Variants in OGG1 observed in about 807,000 individuals in gnomAD.
OGG1 encodes the protein N-glycosylase/DNA lyase.
OGG1 carries 35 observed loss-of-function variants against 42.3 expected under a neutral mutation model. The ratio of observed to expected loss-of-function variants is 0.83; its 90% confidence interval spans 0.63 to 1.10. OGG1 has a LOEUF of 1.10. Among genes scored for constraint, OGG1 ranks in the 50% least tolerant of loss-of-function variants. The probability of loss-of-function intolerance (pLI) is 0.00; values close to 1 mark genes in which losing one functional copy is unlikely to be tolerated. For synonymous variants in OGG1, 189 were observed against 179.0 expected (o/e 1.06, Z -0.44); for missense variants, 484 against 446.7 (o/e 1.08, Z -0.75).
rs2077224698 is a variant in OGG1 at position 9,750,115 on chromosome 3, G to A, written c.-172G>A. 2 of 848,788 alleles carry A rather than the reference G, an allele frequency of 2.4e-6. No homozygotes were observed. The highest frequency in any genetic ancestry group is 2.8e-5 in the Admixed American group (1 of 35,704). 52.6% of individuals were successfully genotyped at this position (848,788 alleles called of 1,614,324 possible). A position where few individuals can be genotyped will look rare whatever the true frequency, so the allele number is the denominator to read the frequency against. The stretch of plus-strand genomic sequence containing the variant: ...AGCGGGGCTTTGATGACCCGCAAAG[G>A]GCGAGGCATGCAGGAGGTGGAGGAA... On this transcript the variant is annotated 5_prime_UTR_variant, in exon 1 of 7. Coordinates refer to ENST00000344629, the MANE Select transcript of OGG1 (RefSeq NM_002542.6).
chr3:9,754,711 G>A lies in OGG1; in HGVS notation c.573G>A (p.Glu191=), dbSNP rs1246379633. The A allele has an allele frequency of 6.2e-7, 1 of 1,614,146 alleles. No individual in the cohort carries two copies. The highest frequency in any genetic ancestry group is 1.1e-5 in the South Asian group (1 of 91,046). Residue 191 remains glutamate, a synonymous_variant, in exon 4 of 7, where the codon GAG becomes GAA. Coordinates refer to ENST00000344629, the MANE Select transcript of OGG1 (RefSeq NM_002542.6). The stretch of plus-strand genomic sequence containing the variant: ...CCTCCTCACTCCCCGCAGGGCCAGA[G>A]GTGGAGGCTCATCTCAGGAAGCTGG... ...FPSLQALAGP[E]VEAHLRKLGL...
rs2077620622 is a variant in OGG1 at position 9,757,264 on chromosome 3, C to G, written c.*114C>G. Reference sequence around the variant, plus strand: ...GGGAGGGGCCTCCCTGTGACTACCTCAAAGGCCAGGCACCCCCAAATCAAG... The same window carrying G: ...GGGAGGGGCCTCCCTGTGACTACCTGAAAGGCCAGGCACCCCCAAATCAAG... On this transcript the variant is annotated 3_prime_UTR_variant, in exon 7 of 7. Transcript: ENST00000344629. This position sits in a 1 kb window ranked among gnomAD's most constrained non-coding sequence, Gnocchi z 4.5. 1 of 1,614,148 alleles carries G rather than the reference C, an allele frequency of 6.2e-7. No homozygotes were observed. The highest frequency in any genetic ancestry group is 8.5e-7 in the Non-Finnish European group (1 of 1,180,004).
chr3:9,779,638 T>A (rs1186357737), intron 2 of OGG1, among the ~76,000 whole-genome samples: 1 of 151,948 alleles, frequency 6.6e-6, no homozygotes, highest in Non-Finnish European at 1.5e-5. Flanking sequence ...ACATGTACCC[T>A]AGAACTTAAA....
chr3:9,764,058 C>T (rs937418989), intron 7 of OGG1, among the ~76,000 whole-genome samples: 10 of 152,186 alleles, frequency 6.6e-5, no homozygotes, highest in East Asian at 1.9e-4. Flanking sequence ...ATAAGCTCCC[C>T]GAATCCAGAG....
downstream of OGG1, chr3:9,760,571 G>A (rs972980547): frequency 2.2e-6 from 3 of 1,376,548 alleles, no homozygotes; most frequent in Non-Finnish European, 1.0e-6. Context: ...CCGACAGAAG[G>A]AAGGCAGGAG....
At chr3:9,760,979 T>A, downstream of OGG1, 1 of 630,670 alleles carries the variant, frequency 1.6e-6, no homozygotes, top group Non-Finnish European at 2.6e-6. Flanking sequence ...TCAGGGCCTT[T>A]GCACTTGCCA....
In OGG1 at chr3:9,755,218, G is replaced by A. The variant is rs1304205378; in HGVS notation, c.747+333G>A. Among the ~76,000 whole-genome samples the A allele has an allele frequency of 5.9e-5, 9 of 151,824 alleles. No individual in the cohort carries two copies. The South Asian group carries it at 1.9e-3, about 32-fold the overall frequency. ...AAATGGGAAGATATTTCTTCTTTTC[G>A]GTTTTTTGTTTGTTTGTTTGTTTTG... On this transcript the variant is annotated intron_variant, in intron 4 of 6. Coordinates refer to ENST00000344629, the MANE Select transcript of OGG1 (RefSeq NM_002542.6).
chr3:9,784,052 C>T (rs1406277079), intron 3 of OGG1: 9 of 1,613,968 alleles, frequency 5.6e-6, no homozygotes, highest in East Asian at 2.2e-5. Context: ...CTTCTTGGTG[C>T]GGTTGTGGGC....
At chr3:9,762,899 C>T in intron 7 of OGG1, 3 of 1,613,662 alleles carry the variant, frequency 1.9e-6, no homozygotes, top group Non-Finnish European at 1.7e-6. Context: ...CTCACCACAC[C>T]CCCTTGAGCC....
intron 3 of OGG1, chr3:9,787,573 A>AT: frequency 3.0e-6 from 3 of 1,016,350 alleles, no homozygotes; most frequent in Non-Finnish European, 4.2e-6. Flanking sequence ...ATCTGAAATA[A>AT]TTCCCAAGAT....
chr3:9,760,721 A>G (rs768657576), downstream of OGG1: 7 of 1,614,038 alleles, frequency 4.3e-6, no homozygotes, highest in Middle Eastern at 1.7e-4. Flanking sequence ...AATCTGTTCA[A>G]AGAGTTTGGC....
chr3:9,789,369 CT>C (rs2078686686), downstream of OGG1: 1 of 727,636 alleles, frequency 1.4e-6, no homozygotes, highest in African/African-American at 1.8e-5. Context: ...GCCTAGGTGT[CT>C]GGAGGCACTG....
At chr3:9,758,153 G>A (rs1036486398), downstream of OGG1, 110 of 218,992 alleles carry the variant, frequency 5.0e-4, no homozygotes, top group Non-Finnish European at 2.1e-4. Flanking sequence ...AGCACTTTAC[G>A]TAGTAATTCA....
At chr3:9,761,746 C>T, downstream of OGG1, 1 of 1,614,048 alleles carries the variant, frequency 6.2e-7, no homozygotes, top group Non-Finnish European at 8.5e-7. Flanking sequence ...TGTAGTACAG[C>T]AGATTCTCTG....
At position 9,752,076 on chromosome 3, in the gene OGG1, C is replaced by T. The variant is rs573030801; in HGVS notation, c.565+127C>T. ...CTTCCCCTATCCAGAACCGCCCTGC[C>T]TGGTCTGATCAACTCCAGTTACTCA... is the stretch of plus-strand genomic sequence containing the variant. On this transcript the variant is annotated intron_variant, in intron 3 of 6. Transcript: ENST00000344629. The T allele has an allele frequency of 8.5e-6, 7 of 826,134 alleles. No individual in the cohort carries two copies. In the South Asian group the frequency reaches 1.0e-4, roughly 12 times the overall value. 51.2% of individuals were successfully genotyped at this position (826,134 alleles called of 1,614,324 possible). A position where few individuals can be genotyped will look rare whatever the true frequency, so the allele number is the denominator to read the frequency against.
chr3:9,789,792 G>A, downstream of OGG1: 1 of 1,614,258 alleles, frequency 6.2e-7, no homozygotes, highest in Non-Finnish European at 8.5e-7. Flanking sequence ...ATCTTGGGCT[G>A]AAGGTTTTTG....
chr3:9,756,689 A>G, intron 5 of OGG1, 68 bp downstream of exon 5: 17 of 1,612,808 alleles, frequency 1.1e-5, no homozygotes, highest in Non-Finnish European at 1.4e-5. Context: ...TCTCTTAGTC[A>G]CCTCTCCCTC....
At chr3:9,752,353 T>C (rs1178988632) in intron 3 of OGG1, among the ~76,000 whole-genome samples, 1 of 152,028 alleles carries the variant, frequency 6.6e-6, no homozygotes, top group African/African-American at 2.4e-5. Flanking sequence ...TATGCTATTA[T>C]TGGAGTTGTC....
chr3:9,775,759 C>A (rs555382108), intron 2 of OGG1, among the ~76,000 whole-genome samples: 1 of 152,214 alleles, frequency 6.6e-6, no homozygotes, highest in Admixed American at 6.5e-5. Context: ...CCTGCCTCAG[C>A]CTCCCAAGTA....
Sources: allele counts gnomAD v4.1 joint callset (sites outside exome capture counted in the v4.1 genomes callset), GRCh38; gene constraint gnomAD v4.1.1; non-coding constraint Gnocchi (gnomAD v3.1); transcripts MANE v1.5; gene names NCBI Gene and HGNC (gene_info 2026-07-23, HGNC 2026-07-21).